Variants in OXR1 observed in about 807,000 individuals in gnomAD.
The protein encoded by OXR1 is oxidation resistance 1, also known as oxidation resistance protein 1.
A neutral mutation model predicts 104.6 loss-of-function variants in OXR1; 41 were observed. The ratio of observed to expected loss-of-function variants is 0.39; its 90% CI spans 0.31 to 0.51. OXR1 has a LOEUF of 0.51. Among genes scored for constraint, OXR1 ranks in the 20% least tolerant of loss-of-function variants. OXR1 has a pLI of 0.77. For synonymous variants in OXR1, 348 were observed against 348.4 expected, an observed-to-expected ratio of 1.00 and a Z score of 0.01; for missense variants, 955 against 1,031.9, an observed-to-expected ratio of 0.93 and a Z score of 1.02.
chr8:106,472,934 G>A (rs1821596392), intron 2 of OXR1, among the ~76,000 whole-genome samples: 2 of 151,760 alleles, frequency 1.3e-5, no homozygotes, highest in South Asian at 4.1e-4. Context: ...CTAACAGTAA[G>A]CCATGTTGCA....
intron 2 of OXR1, among the ~76,000 whole-genome samples, chr8:106,506,634 G>C (rs1015382891): frequency 5.3e-5 from 8 of 151,950 alleles, no homozygotes; most frequent in African/African-American, 1.7e-4. Flanking sequence ...GAGTCTTCAG[G>C]ATATAAATGT....
At chr8:106,449,615 A>T (rs1255701979) in intron 2 of OXR1, among the ~76,000 whole-genome samples, 3 of 152,214 alleles carry the variant, frequency 2.0e-5, no homozygotes, top group African/African-American at 7.2e-5. Context: ...GTAAATGATG[A>T]TGGTAGAGTC....
At chr8:106,600,087 C>T (rs1345926075) in intron 3 of OXR1, among the ~76,000 whole-genome samples, 1 of 152,184 alleles carries the variant, frequency 6.6e-6, no homozygotes, top group Non-Finnish European at 1.5e-5. Context: ...GGGCCAGTAC[C>T]AGTCTGTGGC....
At chr8:106,462,781 C>G (rs541242723) in intron 2 of OXR1, among the ~76,000 whole-genome samples, 10 of 147,928 alleles carry the variant, frequency 6.8e-5, no homozygotes, top group African/African-American at 2.2e-4. Context: ...CTTCCCTGAA[C>G]CACATTTTTT....
intron 2 of OXR1, among the ~76,000 whole-genome samples, chr8:106,510,277 C>G (rs929438025): frequency 1.3e-5 from 2 of 152,168 alleles, no homozygotes; most frequent in African/African-American, 4.8e-5. Flanking sequence ...TAAGTGCCTA[C>G]TCTATGACTA....
intron 3 of OXR1, among the ~76,000 whole-genome samples, chr8:106,526,594 G>C (rs184273210): frequency 8.9e-4 from 136 of 152,352 alleles, no homozygotes; most frequent in Middle Eastern, 3.4e-3. Context: ...CCAGGCTGGA[G>C]TGCAGTGGCG....
chr8:106,615,951 A>G (rs1157838374), intron 3 of OXR1, among the ~76,000 whole-genome samples: 1 of 151,952 alleles, frequency 6.6e-6, no homozygotes, highest in Admixed American at 6.6e-5. Context: ...TTAATGTAGT[A>G]GAATGGAATC....
intron 1 of OXR1, among the ~76,000 whole-genome samples, chr8:106,282,491 C>A (rs958982406): frequency 3.9e-5 from 6 of 152,100 alleles, no homozygotes; most frequent in African/African-American, 1.4e-4. Context: ...TAACATTCGA[C>A]CCCTCAAAAA....
intron 1 of OXR1, among the ~76,000 whole-genome samples, chr8:106,324,451 A>AC (rs34602522): frequency 0.33 from 49,592 of 150,198 alleles, 10,235 homozygotes; most frequent in African/African-American, 0.59. Flanking sequence ...CTGTACAACA[A>AC]CCCCCCCTAC....
intron 12 of OXR1, among the ~76,000 whole-genome samples, chr8:106,739,075 TAC>T (rs71307086): frequency 0.1 from 14,387 of 141,436 alleles, 670 homozygotes; most frequent in Non-Finnish European, 0.11. Flanking sequence ...TTAAATAGCA[TAC>T]ACACACACAC....
chr8:106,531,057 A>G (rs939835180), intron 3 of OXR1, among the ~76,000 whole-genome samples: 1 of 152,186 alleles, frequency 6.6e-6, no homozygotes, highest in Non-Finnish European at 1.5e-5. Context: ...TACATGAAAA[A>G]GTTTAGTTAA....
At chr8:106,724,839 A>G (rs892166773) in intron 11 of OXR1, among the ~76,000 whole-genome samples, 3 of 152,202 alleles carry the variant, frequency 2.0e-5, no homozygotes, top group African/African-American at 7.2e-5. Flanking sequence ...AGAATAGACT[A>G]TGCCATGCTT....
chr8:106,513,232 C>A lies in OXR1; in HGVS notation c.24-5711C>A, dbSNP rs77557481. Among the ~76,000 whole-genome samples, 138 of 152,206 alleles carry A rather than the reference C, an allele frequency of 9.1e-4. No individual in the cohort carries two copies. The East Asian group carries it at 0.025, about 28-fold the overall frequency. On this transcript the variant is annotated intron_variant, in intron 2 of 16. Coordinates refer to ENST00000517566, the MANE Select transcript of OXR1 (RefSeq NM_001198533.2). ...AGATTTCATTATCAACCTACCAGGC[C>A]TTTCCTGCTCCTTGGAGAGCTGGTT...
intron 2 of OXR1, among the ~76,000 whole-genome samples, chr8:106,518,540 G>A (rs1423336132): frequency 1.3e-5 from 2 of 152,058 alleles, no homozygotes. Context: ...GGCAGCCTCT[G>A]ATTAAAAAAT....
At chr8:106,695,255 T>A (rs2131314738) in intron 7 of OXR1, among the ~76,000 whole-genome samples, 1 of 151,944 alleles carries the variant, frequency 6.6e-6, no homozygotes, top group East Asian at 1.9e-4. Flanking sequence ...TTTTTTATAG[T>A]TGCAGATTTC....
intron 11 of OXR1, among the ~76,000 whole-genome samples, chr8:106,736,432 C>CTTAA (rs1311762973): frequency 6.6e-6 from 1 of 152,124 alleles, no homozygotes; most frequent in Non-Finnish European, 1.5e-5. Context: ...GCCTTTAAAA[C>CTTAA]CTAGGTTCAA....
chr8:106,668,353 T>C (rs1259509328), intron 3 of OXR1, among the ~76,000 whole-genome samples: 5 of 152,190 alleles, frequency 3.3e-5, no homozygotes, highest in Admixed American at 1.3e-4. Context: ...TGATTTGCTT[T>C]TTATGCATGA....
intron 3 of OXR1, among the ~76,000 whole-genome samples, chr8:106,676,639 G>A (rs1437984476): frequency 6.6e-6 from 1 of 151,948 alleles, no homozygotes; most frequent in Non-Finnish European, 1.5e-5. Flanking sequence ...TGGCTTGTAG[G>A]GTTTCAGCTG....
At chr8:106,310,446 A>G (rs771207392) in intron 1 of OXR1, among the ~76,000 whole-genome samples, 78 of 151,992 alleles carry the variant, frequency 5.1e-4, no homozygotes, top group African/African-American at 6.8e-4. Context: ...GTCATGCACC[A>G]TTTCCCTTCA....
Sources: gnomAD v4.1 joint callset for allele counts (sites outside exome capture counted in the v4.1 genomes callset) on GRCh38, gnomAD v4.1.1 for gene constraint, MANE v1.5 for transcripts, NCBI Gene and HGNC (gene_info 2026-07-23, HGNC 2026-07-21) for gene names.